RIMS2: variants seen among roughly 807,000 people sequenced by gnomAD.
RIMS2 encodes the protein regulating synaptic membrane exocytosis 2, also known as regulating synaptic membrane exocytosis protein 2.
RIMS2 carries 59 observed loss-of-function variants against 174.4 expected under a neutral mutation model. That is an observed-to-expected ratio of 0.34 (90% CI 0.27 to 0.42). The LOEUF is 0.42. Among genes scored for constraint, RIMS2 ranks in the 10% least tolerant of loss-of-function variants. RIMS2 has a pLI of 1.00. For synonymous variants in RIMS2, 606 were observed against 572.5 expected, an observed-to-expected ratio of 1.06 and a Z score of -0.84; for missense variants, 1,620 against 1,666.3, an observed-to-expected ratio of 0.97 and a Z score of 0.48.
In RIMS2 at chr8:103,838,994, G is replaced by C. The variant is rs551993561; in HGVS notation, c.699-46304G>C. Among the ~76,000 whole-genome samples the C allele has an allele frequency of 4.6e-5, 7 of 152,258 alleles. 1 individual carries two copies. The East Asian group carries it at 1.4e-3, about 29-fold the overall frequency. On this transcript the variant is annotated intron_variant, in intron 3 of 23. Transcript: ENST00000504942. ...GCAAGAGAACGGCGTGAACCCGGGA[G>C]GTGGAGCTTGCAGTGAGCCAAGATC...
rs944559211 is a variant in RIMS2, at chr8:104,014,689, C to T, written c.3334+74C>T. The T allele has an allele frequency of 8.6e-6, 7 of 810,426 alleles. No homozygotes were observed. The South Asian group carries it at 1.2e-4, about 14-fold the overall frequency. 50.2% of individuals were successfully genotyped at this position (810,426 alleles called of 1,614,324 possible). ...AAGGTGAATCAAGATTTTCTTATTACCTTTGTGTTAATTTTCTTCTTTTGT... is the reference window on the plus strand; with the variant it reads ...AAGGTGAATCAAGATTTTCTTATTATCTTTGTGTTAATTTTCTTCTTTTGT... On this transcript the variant is annotated intron_variant, in intron 19 of 23. Transcript: ENST00000504942.
intron 2 of RIMS2, among the ~76,000 whole-genome samples, chr8:103,710,899 A>G (rs1241937656): frequency 9.9e-5 from 15 of 152,106 alleles, no homozygotes; most frequent in Admixed American, 7.2e-4. Flanking sequence ...TACATTGCCA[A>G]TTTGGGGGTT....
chr8:103,912,055 C>G, exon 6 of RIMS2: 1 of 1,581,478 alleles, frequency 6.3e-7, no homozygotes, highest in Non-Finnish European at 8.6e-7. Context: ...AATGTCAGCA[C>G]CCTGTAACCT....
intron 19 of RIMS2, among the ~76,000 whole-genome samples, chr8:104,168,632 C>T (rs1233531604): frequency 1.3e-5 from 2 of 151,998 alleles, no homozygotes; most frequent in East Asian, 1.9e-4. Context: ...TTTTCCAATT[C>T]AAATGCCCTT....
At chr8:103,513,150 G>T (rs940640782) in intron 1 of RIMS2, among the ~76,000 whole-genome samples, 1 of 152,100 alleles carries the variant, frequency 6.6e-6, no homozygotes, top group African/African-American at 2.4e-5. Context: ...GCCTGCAGTC[G>T]GCAAGTGCTC....
intron 16 of RIMS2, among the ~76,000 whole-genome samples, chr8:103,980,897 C>T (rs946780507): frequency 1.3e-5 from 2 of 152,080 alleles, no homozygotes; most frequent in African/African-American, 4.8e-5. Context: ...TTGAGTGCCA[C>T]CTTAGCCACA....
intron 3 of RIMS2, among the ~76,000 whole-genome samples, chr8:103,805,313 ATCT>A (rs1294274683): frequency 2.6e-5 from 4 of 152,172 alleles, no homozygotes; most frequent in Non-Finnish European, 5.9e-5. Context: ...TTTGGGATGC[ATCT>A]TAGTGTTATT....
intron 19 of RIMS2, among the ~76,000 whole-genome samples, chr8:104,097,126 G>C (rs2097776445): frequency 6.6e-6 from 1 of 152,002 alleles, no homozygotes; most frequent in African/African-American, 2.4e-5. Context: ...TATACTACAG[G>C]CTGAATATTC....
chr8:104,080,925 A>G (rs2097405324), intron 19 of RIMS2, among the ~76,000 whole-genome samples: 1 of 152,036 alleles, frequency 6.6e-6, no homozygotes, highest in South Asian at 2.1e-4. Flanking sequence ...GAAGGAAGGG[A>G]CTTTGGTGAT....
chr8:103,891,541 T>A (rs1468216709), intron 4 of RIMS2, among the ~76,000 whole-genome samples: 1 of 152,100 alleles, frequency 6.6e-6, no homozygotes, highest in Non-Finnish European at 1.5e-5. Flanking sequence ...GATGCCCCAT[T>A]TGATCTTCTT....
intron 19 of RIMS2, among the ~76,000 whole-genome samples, chr8:104,044,580 G>T (rs34323928): frequency 0.25 from 38,151 of 150,908 alleles, 5,219 homozygotes; most frequent in African/African-American, 0.35. Context: ...ATTTATGGAG[G>T]CAAAAATGTT....
At chr8:104,053,706 A>G (rs904238159) in intron 19 of RIMS2, among the ~76,000 whole-genome samples, 3 of 152,206 alleles carry the variant, frequency 2.0e-5, no homozygotes, top group Non-Finnish European at 2.9e-5. Context: ...AAATTGAAGT[A>G]CAGGTTAGTT....
intron 2 of RIMS2, among the ~76,000 whole-genome samples, chr8:103,756,748 T>G (rs367977259): frequency 6.6e-6 from 1 of 152,106 alleles, no homozygotes; most frequent in African/African-American, 2.4e-5. Context: ...ATGACAGACA[T>G]CTTTAAAAAT....
At chr8:104,059,209 T>C (rs1354587997) in intron 19 of RIMS2, among the ~76,000 whole-genome samples, 1 of 151,670 alleles carries the variant, frequency 6.6e-6, no homozygotes, top group African/African-American at 2.4e-5. Flanking sequence ...GAGCATGGAA[T>C]GTTCTTCCAT....
chr8:103,762,563 A>G (rs1165481993), intron 2 of RIMS2, among the ~76,000 whole-genome samples: 1 of 152,196 alleles, frequency 6.6e-6, no homozygotes, highest in Non-Finnish European at 1.5e-5. Context: ...TTCACAACAT[A>G]TATGTATTTG....
chr8:103,563,931 G>C (rs1289606942), intron 1 of RIMS2, among the ~76,000 whole-genome samples: 1 of 152,142 alleles, frequency 6.6e-6, no homozygotes, highest in Non-Finnish European at 1.5e-5. Flanking sequence ...CTTATTCACT[G>C]TCATGAGAAA....
intron 3 of RIMS2, among the ~76,000 whole-genome samples, chr8:103,834,528 T>C (rs1032910323): frequency 1.3e-5 from 2 of 151,610 alleles, no homozygotes; most frequent in East Asian, 3.9e-4. Flanking sequence ...TTCTTATGTA[T>C]GCATGAGATT....
chr8:103,783,635 T>C (rs565103530), intron 3 of RIMS2, among the ~76,000 whole-genome samples: 1 of 152,172 alleles, frequency 6.6e-6, no homozygotes, highest in East Asian at 1.9e-4. Context: ...CCATGGTGTA[T>C]ATGTGCCACA....
chr8:104,066,722 T>A (rs1297465184), intron 19 of RIMS2, among the ~76,000 whole-genome samples: 1 of 152,194 alleles, frequency 6.6e-6, no homozygotes, highest in Non-Finnish European at 1.5e-5. Flanking sequence ...TTAATATTCC[T>A]CACTTTCAAA....
Sources: gnomAD v4.1 joint callset for allele counts (sites outside exome capture counted in the v4.1 genomes callset) on GRCh38, gnomAD v4.1.1 for gene constraint, MANE v1.5 for transcripts, NCBI Gene and HGNC (gene_info 2026-07-23, HGNC 2026-07-21) for gene names.